JAK1: variants seen among roughly 807,000 people sequenced by gnomAD.
JAK1 encodes tyrosine-protein kinase JAK1.
Under a neutral mutation model 136.6 loss-of-function variants are expected in JAK1, and 16 were observed. The observed-to-expected ratio is 0.12, with a 90% CI of 0.08 to 0.18. The LOEUF (loss-of-function observed/expected upper bound fraction) is 0.18, where lower values mean the gene tolerates loss of function less well. Among genes scored for constraint, JAK1 ranks in the 10% least tolerant of loss-of-function variants. JAK1 has a pLI of 1.00. For missense variants in JAK1, 859 were observed against 1,450.1 expected (o/e 0.59, Z 6.62); for synonymous variants, 492 against 519.5 (o/e 0.95, Z 0.72).
chr1:64,925,126 G>A (rs1265230213), intron 1 of JAK1, among the ~76,000 whole-genome samples: 2 of 152,090 alleles, frequency 1.3e-5, no homozygotes, highest in African/African-American at 2.4e-5. Context: ...GCTGGGCGCA[G>A]TGGCTCATGC....
At position 64,834,424 on chromosome 1, in the gene JAK1, T is replaced by A; in HGVS notation, c.*138A>T. On this transcript the variant is annotated 3_prime_UTR_variant, in exon 25 of 25. Coordinates refer to ENST00000342505, the MANE Select transcript of JAK1 (RefSeq NM_002227.4). ...CTACAGTGTGCCTTATACATGTATA[T>A]GTACTGAAGTATGAGTTCAGTGACT... is the stretch of plus-strand genomic sequence containing the variant. 3.2e-6 allele frequency: 2 copies of A among 619,672 alleles called. No individual in the cohort carries two copies. The allele number at this position is 619,672 out of a possible 1,614,324, so 38.4% of individuals were successfully genotyped here. A position where few individuals can be genotyped will look rare whatever the true frequency, so the allele number is the denominator to read the frequency against.
At chr1:65,005,266 C>A (rs2100758400) in intron 2 of JAK1, among the ~76,000 whole-genome samples, 1 of 152,078 alleles carries the variant, frequency 6.6e-6, no homozygotes, top group African/African-American at 2.4e-5. Flanking sequence ...ATCACTTGAA[C>A]CCAGGAGGTG....
At chr1:65,063,833 A>G (rs1647925524) in intron 1 of JAK1, among the ~76,000 whole-genome samples, 1 of 151,800 alleles carries the variant, frequency 6.6e-6, no homozygotes, top group Admixed American at 6.6e-5. Context: ...AGAAAGAAAA[A>G]AAGAAAAGAA....
At chr1:65,052,387 T>C (rs1234828633) in intron 1 of JAK1, among the ~76,000 whole-genome samples, 1 of 152,116 alleles carries the variant, frequency 6.6e-6, no homozygotes, top group Non-Finnish European at 1.5e-5. Flanking sequence ...TGGTTACAAA[T>C]GATGACTAGG....
chr1:65,066,368 G>A (rs1048661996), intron 1 of JAK1, among the ~76,000 whole-genome samples: 2 of 152,212 alleles, frequency 1.3e-5, no homozygotes, highest in African/African-American at 4.8e-5. Flanking sequence ...AAAAGAAACA[G>A]ACTCTCATGC....
At position 64,886,241 on chromosome 1, in the gene JAK1, A is replaced by C. The variant is rs1644850774; in HGVS notation, c.6+18T>G. On this transcript the variant is annotated intron_variant, in intron 2 of 24. Transcript: ENST00000342505. ...AGCCAGATATTTTCCTTTTTTAAAA[A>C]TATGCAAATCTACATACCTGCATTT... 1 of 1,554,864 alleles carries C rather than the reference A, an allele frequency of 6.4e-7. No individual in the cohort carries two copies. The highest frequency in any genetic ancestry group is 1.8e-5 in the Admixed American group (1 of 55,644).
intron 1 of JAK1, among the ~76,000 whole-genome samples, 160 bp from the exon 2 acceptor site, chr1:64,886,501 G>A (rs1423609791): frequency 6.6e-6 from 1 of 151,976 alleles, no homozygotes; most frequent in Non-Finnish European, 1.5e-5. Context: ...AAATGGCCTA[G>A]GACATCGAGA....
chr1:64,926,199 T>C (rs1025290816), intron 1 of JAK1, among the ~76,000 whole-genome samples: 2 of 152,140 alleles, frequency 1.3e-5, no homozygotes, highest in Non-Finnish European at 1.5e-5. Flanking sequence ...TTCACTCCAG[T>C]TCCTGCCTCT....
chr1:64,935,757 C>T (rs1263091038), intron 1 of JAK1, among the ~76,000 whole-genome samples: 2 of 152,172 alleles, frequency 1.3e-5, no homozygotes, highest in East Asian at 3.8e-4. Context: ...GCTTGCAACG[C>T]TGACGGGTCA....
intron 1 of JAK1, among the ~76,000 whole-genome samples, chr1:64,898,403 A>G (rs1215331370): frequency 6.6e-6 from 1 of 152,236 alleles, no homozygotes; most frequent in Non-Finnish European, 1.5e-5. Context: ...TACTCAGCAG[A>G]GTTGTTTACA....
intron 1 of JAK1, among the ~76,000 whole-genome samples, chr1:64,963,440 AC>A (rs1646318121): frequency 6.6e-6 from 1 of 151,072 alleles, no homozygotes; most frequent in Non-Finnish European, 1.5e-5. Flanking sequence ...ACATGTTCTG[AC>A]AATAAGAAAA....
chr1:65,034,387 C>G (rs1218801050), intron 2 of JAK1, among the ~76,000 whole-genome samples: 1 of 152,168 alleles, frequency 6.6e-6, no homozygotes, highest in African/African-American at 2.4e-5. Context: ...AATAAAAGCT[C>G]ATTACCCTAA....
chr1:65,025,186 A>G (rs576068989), intron 2 of JAK1, among the ~76,000 whole-genome samples: 1 of 152,280 alleles, frequency 6.6e-6, no homozygotes, highest in South Asian at 2.1e-4. Flanking sequence ...ACGGGTCCTG[A>G]CTGATTACAG....
At chr1:65,031,961 C>CT (rs68164546) in intron 2 of JAK1, among the ~76,000 whole-genome samples, 1,971 of 135,304 alleles carry the variant, frequency 0.015, 46 homozygotes, top group African/African-American at 0.048. Context: ...TTTTCTTTTT[C>CT]TTTTTTTTTT....
chr1:65,042,567 A>C (rs984376266), intron 2 of JAK1, among the ~76,000 whole-genome samples: 3 of 152,170 alleles, frequency 2.0e-5, no homozygotes, highest in African/African-American at 7.2e-5. Context: ...AGTTGGCCGA[A>C]GGTTGTCCTG....
At chr1:64,985,940 G>A (rs1442876861) in intron 2 of JAK1, 25 of 907,092 alleles carry the variant, frequency 2.8e-5, no homozygotes, top group Non-Finnish European at 4.3e-5. Context: ...CAGAGGGAGG[G>A]GTATTTGCCT....
chr1:64,857,953 C>T (rs904286762), intron 9 of JAK1, among the ~76,000 whole-genome samples, 174 bp from the exon 10 acceptor site: 2 of 152,184 alleles, frequency 1.3e-5, no homozygotes, highest in Admixed American at 6.5e-5. Flanking sequence ...GCGGAAATAC[C>T]GAGTGGCCTC....
intron 2 of JAK1, among the ~76,000 whole-genome samples, chr1:64,986,918 T>C (rs1232722900): frequency 6.6e-6 from 1 of 152,076 alleles, no homozygotes; most frequent in East Asian, 1.9e-4. Flanking sequence ...CTTAGTACAG[T>C]ATCTGGCATA....
chr1:64,931,324 T>C (rs1439500865), intron 1 of JAK1, among the ~76,000 whole-genome samples: 2 of 152,034 alleles, frequency 1.3e-5, no homozygotes, highest in Non-Finnish European at 2.9e-5. Context: ...CTCATCCTTG[T>C]TCAACCGCAC....
Sources: gnomAD v4.1 joint callset for allele counts (sites outside exome capture counted in the v4.1 genomes callset) on GRCh38, gnomAD v4.1.1 for gene constraint, MANE v1.5 for transcripts, NCBI Gene and HGNC (gene_info 2026-07-23, HGNC 2026-07-21) for gene names.